Variants in PTPRT observed in about 807,000 individuals in gnomAD.
PTPRT encodes the protein receptor-type tyrosine-protein phosphatase T.
A neutral mutation model predicts 176.8 loss-of-function variants in PTPRT; 56 were observed. The observed-to-expected ratio is 0.32, with a 90% CI of 0.26 to 0.40. The LOEUF (loss-of-function observed/expected upper bound fraction) is 0.40, where lower values mean the gene tolerates loss of function less well. PTPRT is among the 10% of genes least tolerant of loss of function. The pLI is 1.00. For missense variants in PTPRT, 1,540 were observed against 1,908.2 expected (o/e 0.81, Z 3.60); for synonymous variants, 783 against 739.0 (o/e 1.06, Z -0.96).
intron 6 of PTPRT, among the ~76,000 whole-genome samples, chr20:42,745,189 AT>A (rs1318979554): frequency 7.2e-5 from 11 of 152,240 alleles, no homozygotes; most frequent in Non-Finnish European, 1.5e-4. Context: ...TGGGGCTCAA[AT>A]AAGTGGAACC....
intron 14 of PTPRT, among the ~76,000 whole-genome samples, chr20:42,241,493 T>C (rs1239748309): frequency 2.0e-5 from 3 of 151,992 alleles, no homozygotes; most frequent in Admixed American, 6.6e-5. Context: ...GTAGGTGAAT[T>C]ATTTTTAGCA....
At chr20:42,841,325 T>A (rs2078273936) in intron 2 of PTPRT, among the ~76,000 whole-genome samples, 1 of 152,136 alleles carries the variant, frequency 6.6e-6, no homozygotes, top group Non-Finnish European at 1.5e-5. Flanking sequence ...TCTCTGAAGC[T>A]CTGTTTCCCC....
intron 7 of PTPRT, among the ~76,000 whole-genome samples, chr20:42,574,106 A>G (rs190449617): frequency 8.5e-5 from 13 of 152,282 alleles, no homozygotes; most frequent in African/African-American, 2.9e-4. Flanking sequence ...TTGGAGAAGC[A>G]TTGAGCCTGC....
chr20:42,870,640 G>T (rs2078829422), intron 2 of PTPRT, among the ~76,000 whole-genome samples: 1 of 152,192 alleles, frequency 6.6e-6, no homozygotes, highest in Non-Finnish European at 1.5e-5. Context: ...TTCACACAAT[G>T]ATGAAATTGC....
chr20:42,684,911 T>C (rs2075665625), intron 6 of PTPRT, among the ~76,000 whole-genome samples: 2 of 152,190 alleles, frequency 1.3e-5, no homozygotes, highest in Non-Finnish European at 2.9e-5. Flanking sequence ...GCAGCTCCCA[T>C]GTACTGCACA....
At chr20:42,980,943 C>T (rs1290848774) in intron 1 of PTPRT, among the ~76,000 whole-genome samples, 1 of 152,140 alleles carries the variant, frequency 6.6e-6, no homozygotes, top group Non-Finnish European at 1.5e-5. Flanking sequence ...TCCCAGTCTG[C>T]GGAAGAGTGG....
chr20:42,694,087 G>A (rs1600622031), intron 6 of PTPRT, among the ~76,000 whole-genome samples: 2 of 145,032 alleles, frequency 1.4e-5, no homozygotes, highest in African/African-American at 5.1e-5. Flanking sequence ...CGCCCAGGCT[G>A]GAGTGCAGCG....
chr20:42,418,092 T>C (rs538725052), intron 9 of PTPRT, among the ~76,000 whole-genome samples: 15 of 152,144 alleles, frequency 9.9e-5, no homozygotes, highest in Non-Finnish European at 1.9e-4. Context: ...AAGTGAGCAA[T>C]TGAAGTATGA....
chr20:43,089,053 C>T, intron 1 of PTPRT, among the ~76,000 whole-genome samples: 1 of 152,150 alleles, frequency 6.6e-6, no homozygotes, highest in East Asian at 1.9e-4. Flanking sequence ...ATAATAATAG[C>T]AGCTGTTATT....
At chr20:42,705,093 T>C (rs981849995) in intron 6 of PTPRT, among the ~76,000 whole-genome samples, 4 of 151,980 alleles carry the variant, frequency 2.6e-5, no homozygotes, top group African/African-American at 9.7e-5. Context: ...TAATCCCAGC[T>C]ACTCAGGAGG....
chr20:42,526,951 T>C (rs572060645), intron 7 of PTPRT, among the ~76,000 whole-genome samples: 26 of 147,008 alleles, frequency 1.8e-4, no homozygotes, highest in Non-Finnish European at 3.4e-4. Context: ...TCTTGGTTCT[T>C]TTTTCTTTTT....
intron 9 of PTPRT, among the ~76,000 whole-genome samples, chr20:42,441,980 C>A (rs1476854667): frequency 6.6e-6 from 1 of 152,212 alleles, no homozygotes; most frequent in Non-Finnish European, 1.5e-5. Context: ...CTACCTCCTG[C>A]CCATCTGGAA....
chr20:42,286,998 T>C (rs1275396014), intron 12 of PTPRT, among the ~76,000 whole-genome samples: 3 of 151,984 alleles, frequency 2.0e-5, no homozygotes, highest in East Asian at 1.9e-4. Flanking sequence ...AAATGCTCAA[T>C]ATCACTAATC....
intron 7 of PTPRT, among the ~76,000 whole-genome samples, chr20:42,633,784 A>AAAAT (rs1437724208): frequency 3.7e-5 from 2 of 53,380 alleles, no homozygotes; most frequent in Non-Finnish European, 6.1e-5. Flanking sequence ...AGACTCTGAA[A>AAAAT]ATATATATAT....
chr20:42,361,720 C>T (rs537995769), intron 9 of PTPRT, among the ~76,000 whole-genome samples: 3 of 152,246 alleles, frequency 2.0e-5, no homozygotes, highest in African/African-American at 7.2e-5. Context: ...GTCCAGTTCT[C>T]GGCTCTCTGG....
At chr20:42,190,610 A>G (rs1005616638) in intron 16 of PTPRT, among the ~76,000 whole-genome samples, 2 of 152,182 alleles carry the variant, frequency 1.3e-5, no homozygotes, top group Non-Finnish European at 2.9e-5. Flanking sequence ...AAGGCTTGTT[A>G]AAAACTGATT....
At chr20:42,205,483 T>A (rs1260022571) in intron 15 of PTPRT, among the ~76,000 whole-genome samples, 1 of 152,162 alleles carries the variant, frequency 6.6e-6, no homozygotes, top group Non-Finnish European at 1.5e-5. Flanking sequence ...TCCCTGCTAT[T>A]GGAGAAGTTC....
intron 5 of PTPRT, among the ~76,000 whole-genome samples, chr20:42,762,696 T>C (rs1431590049): frequency 6.6e-6 from 1 of 152,238 alleles, no homozygotes; most frequent in African/African-American, 2.4e-5. Context: ...GCTACATATC[T>C]ATGGAGCTGC....
chr20:43,124,281 C>T (rs555349384), intron 1 of PTPRT, among the ~76,000 whole-genome samples: 7 of 152,286 alleles, frequency 4.6e-5, no homozygotes, highest in South Asian at 2.1e-4. Context: ...CAGAGTAATT[C>T]GATAATTGTA....
Sources: gnomAD v4.1 joint callset for allele counts (sites outside exome capture counted in the v4.1 genomes callset) on GRCh38, gnomAD v4.1.1 for gene constraint, MANE v1.5 for transcripts, NCBI Gene and HGNC (gene_info 2026-07-23, HGNC 2026-07-21) for gene names.